Variants in ZNRF1 observed in about 807,000 individuals in gnomAD.
ZNRF1 encodes zinc and ring finger 1.
ZNRF1 carries 3 observed loss-of-function variants against 18.4 expected under a neutral mutation model. That is an observed-to-expected ratio of 0.16 (90% CI 0.07 to 0.42). The LOEUF is 0.42. Ranked by LOEUF, ZNRF1 falls within the 10% of genes least tolerant of loss-of-function variation. The probability of loss-of-function intolerance (pLI) is 0.99; values close to 1 mark genes in which losing one functional copy is unlikely to be tolerated. For synonymous variants in ZNRF1, 157 were observed against 144.2 expected, an observed-to-expected ratio of 1.09 and a Z score of -0.64; for missense variants, 310 against 329.8, an observed-to-expected ratio of 0.94 and a Z score of 0.47.
chr16:75,033,796 T>C (rs1019681867), intron 1 of ZNRF1, among the ~76,000 whole-genome samples: 6 of 152,182 alleles, frequency 3.9e-5, no homozygotes, highest in Non-Finnish European at 5.9e-5. Flanking sequence ...GAATGATTCT[T>C]CTTTGATGTT....
At chr16:75,092,199 TGTTC>T (rs201582217) in intron 1 of ZNRF1, among the ~76,000 whole-genome samples, 3,912 of 152,176 alleles carry the variant, frequency 0.026, 61 homozygotes, top group Non-Finnish European at 0.04. Context: ...ATATATTTAG[TGTTC>T]GTTAAGTGGA....
At chr16:75,009,388 T>C (rs1296578764) in intron 1 of ZNRF1, among the ~76,000 whole-genome samples, 4 of 152,260 alleles carry the variant, frequency 2.6e-5, no homozygotes, top group African/African-American at 9.6e-5. Flanking sequence ...AGTATTTGTC[T>C]TTTTGTGGCT....
chr16:75,002,655 C>T (rs2034866937), intron 1 of ZNRF1, among the ~76,000 whole-genome samples: 1 of 152,182 alleles, frequency 6.6e-6, no homozygotes, highest in African/African-American at 2.4e-5. Context: ...TGACCTTGGG[C>T]AAGACATATC....
In ZNRF1 at chr16:75,106,590, G is replaced by T. The variant is rs369855759; in HGVS notation, c.*32+19G>T. The T allele has an allele frequency of 6.2e-6, 10 of 1,610,036 alleles. No homozygotes were observed. Among genetic ancestry groups the T allele is most frequent in the East Asian group, 2.2e-5 (1 of 44,838 alleles). On this transcript the variant is annotated intron_variant, in intron 4 of 4. Coordinates refer to ENST00000335325, the MANE Select transcript of ZNRF1 (RefSeq NM_032268.5). ...CTCAAAGGTGAGCCCGCGTTTGGGGGTGCTCCGGGCTCAAGGCTTGGGGTC... is the reference window on the plus strand; with the variant it reads ...CTCAAAGGTGAGCCCGCGTTTGGGGTTGCTCCGGGCTCAAGGCTTGGGGTC...
intron 1 of ZNRF1, among the ~76,000 whole-genome samples, chr16:75,085,454 C>T (rs185240939): frequency 1.3e-5 from 2 of 152,074 alleles, no homozygotes; most frequent in African/African-American, 2.4e-5. Context: ...TGGATTGTTA[C>T]CAGTTTTTGC....
rs541574730 is a variant in ZNRF1 at position 75,030,531 on chromosome 16, A to G, written c.424+30436A>G. Among the ~76,000 whole-genome samples, 6 of 152,300 alleles carry G rather than the reference A, an allele frequency of 3.9e-5. No homozygotes were observed. The East Asian group carries it at 1.2e-3, about 29-fold the overall frequency. On this transcript the variant is annotated intron_variant, in intron 1 of 4. Transcript: ENST00000335325. ...AAATCTTACTGACCTTGCATTGGGC[A>G]GTAGTTTCTTAAATATGACACCAAC...
chr16:75,106,585 T>A lies in ZNRF1; in HGVS notation c.*32+14T>A. On this transcript the variant is annotated intron_variant, in intron 4 of 4. Coordinates refer to ENST00000335325, the MANE Select transcript of ZNRF1 (RefSeq NM_032268.5). ...CTCCTCTCAAAGGTGAGCCCGCGTTTGGGGGTGCTCCGGGCTCAAGGCTTG... is the reference window on the plus strand; with the variant it reads ...CTCCTCTCAAAGGTGAGCCCGCGTTAGGGGGTGCTCCGGGCTCAAGGCTTG... 1 of 1,612,066 alleles carries A rather than the reference T, an allele frequency of 6.2e-7. No individual in the cohort carries two copies. Among genetic ancestry groups the A allele is most frequent in the Non-Finnish European group, 8.5e-7 (1 of 1,178,350 alleles).
At chr16:75,020,797 C>T (rs1226045554) in intron 1 of ZNRF1, among the ~76,000 whole-genome samples, 1 of 152,190 alleles carries the variant, frequency 6.6e-6, no homozygotes, top group Non-Finnish European at 1.5e-5. Flanking sequence ...TGCCCTCGGC[C>T]TCCCAAAGTG....
At chr16:75,061,624 A>G (rs1016948907) in intron 1 of ZNRF1, among the ~76,000 whole-genome samples, 1 of 152,094 alleles carries the variant, frequency 6.6e-6, no homozygotes, top group African/African-American at 2.4e-5. Context: ...TTCTTTAAAC[A>G]TTCATCTGTT....
At chr16:75,012,673 TAAACTTTTCTGCCA>T (rs2035013966) in intron 1 of ZNRF1, among the ~76,000 whole-genome samples, 1 of 152,222 alleles carries the variant, frequency 6.6e-6, no homozygotes, top group Admixed American at 6.5e-5. Context: ...TTGCCTGTCT[TAAACTTTTCTGCCA>T]ACCTAGCGTG....
rs544382161 is a variant in ZNRF1 at position 75,108,786 on chromosome 16, C to T, written c.*1086C>T. The T allele has an allele frequency of 6.9e-4, 259 of 374,596 alleles. No individual in the cohort carries two copies. The highest frequency in any genetic ancestry group is 1.1e-3 in the Non-Finnish European group (228 of 212,472). The allele number at this position is 374,596 out of a possible 1,614,324, so 23.2% of individuals were successfully genotyped here. On this transcript the variant is annotated 3_prime_UTR_variant, in exon 5 of 5. Transcript: ENST00000335325. ...GGCAAGGGCCTGCCCCCCACTCCCT[C>T]ACCTACCTCCTTAGCATTCCTTCAG...
At chr16:75,106,377 AG>A in intron 3 of ZNRF1, 104 bp from the exon 4 acceptor site, 1 of 1,164,522 alleles carries the variant, frequency 8.6e-7, no homozygotes, top group Non-Finnish European at 1.3e-6. Flanking sequence ...CTTTCAGAAG[AG>A]ACTTAGGAAG....
intron 1 of ZNRF1, among the ~76,000 whole-genome samples, chr16:75,029,576 G>A (rs928372605): frequency 1.3e-5 from 2 of 149,638 alleles, no homozygotes; most frequent in African/African-American, 4.9e-5. Flanking sequence ...AGACCAGCCT[G>A]GCCAACATGG....
chr16:75,052,041 T>C (rs2035613847), intron 1 of ZNRF1, among the ~76,000 whole-genome samples: 1 of 152,220 alleles, frequency 6.6e-6, no homozygotes, highest in Admixed American at 6.5e-5. Flanking sequence ...ATGTACACAT[T>C]TTAAGTACAT....
rs371159273 is a variant in ZNRF1, at chr16:75,013,623, G to C, written c.424+13528G>C. Reference sequence around the variant, plus strand: ...GCCTCCCAGAGTGCTGGGATTACAGGCGTGAGCCACCGCGCCAGGCCTGTC... The same window carrying C: ...GCCTCCCAGAGTGCTGGGATTACAGCCGTGAGCCACCGCGCCAGGCCTGTC... On this transcript the variant is annotated intron_variant, in intron 1 of 4. Transcript: ENST00000335325. 3.3e-5 allele frequency among the ~76,000 whole-genome samples: 5 copies of C among 152,282 alleles called. No homozygotes were observed. The South Asian group carries it at 1.0e-3, about 32-fold the overall frequency.
intron 1 of ZNRF1, among the ~76,000 whole-genome samples, chr16:75,055,962 A>T (rs1034303969): frequency 6.6e-6 from 1 of 152,188 alleles, no homozygotes; most frequent in African/African-American, 2.4e-5. Context: ...CAGTGATCCA[A>T]GCTATCCCTC....
chr16:75,017,546 T>C (rs905704078), intron 1 of ZNRF1, among the ~76,000 whole-genome samples: 2 of 152,186 alleles, frequency 1.3e-5, no homozygotes, highest in Non-Finnish European at 2.9e-5. Context: ...TCTTAATAAA[T>C]ACAACTTTTC....
intron 1 of ZNRF1, among the ~76,000 whole-genome samples, chr16:75,085,067 T>A (rs1178262785): frequency 1.3e-5 from 2 of 152,132 alleles, no homozygotes; most frequent in Non-Finnish European, 1.5e-5. Context: ...GACAATGAAA[T>A]CTCAAATCTT....
intron 1 of ZNRF1, among the ~76,000 whole-genome samples, chr16:75,050,880 A>C (rs1379659199): frequency 2.6e-5 from 3 of 114,936 alleles, no homozygotes; most frequent in African/African-American, 1.2e-4. Context: ...CAAAAAAAAA[A>C]AAAAAAAACA....
Sources: gnomAD v4.1 joint callset for allele counts (sites outside exome capture counted in the v4.1 genomes callset) on GRCh38, gnomAD v4.1.1 for gene constraint, MANE v1.5 for transcripts, NCBI Gene and HGNC (gene_info 2026-07-23, HGNC 2026-07-21) for gene names.